Variants in DLG2 observed in about 807,000 individuals in gnomAD.
DLG2 encodes the protein discs large MAGUK scaffold protein 2.
Under a neutral mutation model 132.5 loss-of-function variants are expected in DLG2, and 45 were observed. The observed-to-expected ratio is 0.34, with a 90% CI of 0.27 to 0.44. DLG2 has a LOEUF of 0.44. Among genes scored for constraint, DLG2 ranks in the 20% least tolerant of loss-of-function variants. The probability of loss-of-function intolerance (pLI) is 1.00; values close to 1 mark genes in which losing one functional copy is unlikely to be tolerated. For synonymous variants in DLG2, 424 were observed against 419.6 expected (o/e 1.01, Z -0.13); for missense variants, 1,045 against 1,196.9 (o/e 0.87, Z 1.87).
At chr11:85,050,498 C>A (rs1349381404) in intron 6 of DLG2, among the ~76,000 whole-genome samples, 2 of 151,998 alleles carry the variant, frequency 1.3e-5, no homozygotes, top group Non-Finnish European at 2.9e-5. Flanking sequence ...AAGAAAGGAA[C>A]AAACAGGAAG....
At chr11:84,359,907 T>A (rs1356396767) in intron 7 of DLG2, among the ~76,000 whole-genome samples, 1 of 151,932 alleles carries the variant, frequency 6.6e-6, no homozygotes, top group Non-Finnish European at 1.5e-5. Flanking sequence ...TAATTTACAT[T>A]TTACAGTAAA....
chr11:84,545,025 C>T, intron 6 of DLG2: 2 of 436,448 alleles, frequency 4.6e-6, no homozygotes, highest in Non-Finnish European at 9.0e-6. Context: ...TTTGTAGCAG[C>T]TAGGTGCTGC....
At chr11:84,982,360 A>G (rs914115283) in intron 6 of DLG2, among the ~76,000 whole-genome samples, 4 of 152,126 alleles carry the variant, frequency 2.6e-5, no homozygotes, top group African/African-American at 9.7e-5. Context: ...ACATTCCTCT[A>G]AAGTCTCTTA....
intron 4 of DLG2, among the ~76,000 whole-genome samples, chr11:85,227,308 A>G (rs2075035788): frequency 6.6e-6 from 1 of 152,100 alleles, no homozygotes; most frequent in Non-Finnish European, 1.5e-5. Flanking sequence ...TCAAGAAAAA[A>G]TTTTTAATAA....
intron 7 of DLG2, among the ~76,000 whole-genome samples, chr11:84,458,356 C>T (rs1243017408): frequency 1.3e-5 from 2 of 150,844 alleles, no homozygotes; most frequent in South Asian, 2.1e-4. Context: ...CCTTCCAAAA[C>T]ATTAAAATGA....
At chr11:83,677,499 A>G (rs2077946683) in intron 18 of DLG2, among the ~76,000 whole-genome samples, 3 of 152,214 alleles carry the variant, frequency 2.0e-5, no homozygotes, top group South Asian at 2.1e-4. Context: ...TGAGACAGGA[A>G]TTGCTATACC....
intron 4 of DLG2, among the ~76,000 whole-genome samples, chr11:85,240,358 C>T (rs1394574124): frequency 6.6e-6 from 1 of 151,686 alleles, no homozygotes; most frequent in Non-Finnish European, 1.5e-5. Flanking sequence ...TTACTGTAGA[C>T]ATCTAATTGT....
chr11:85,226,410 A>T (rs949215189), intron 4 of DLG2, among the ~76,000 whole-genome samples: 1 of 152,046 alleles, frequency 6.6e-6, no homozygotes, highest in Non-Finnish European at 1.5e-5. Context: ...CCTAAGTTTC[A>T]CATTTGAATA....
chr11:84,881,892 G>T (rs887952859), intron 6 of DLG2, among the ~76,000 whole-genome samples: 4 of 152,096 alleles, frequency 2.6e-5, no homozygotes, highest in African/African-American at 9.7e-5. Flanking sequence ...CCCAAATGCT[G>T]TCCAGGATTA....
At chr11:84,052,201 G>C (rs2096401098) in intron 11 of DLG2, among the ~76,000 whole-genome samples, 1 of 151,798 alleles carries the variant, frequency 6.6e-6, no homozygotes, top group Admixed American at 6.6e-5. Flanking sequence ...ACTCAAACCT[G>C]TTAGAAACAA....
At chr11:83,508,930 G>A (rs762896066) in intron 21 of DLG2, among the ~76,000 whole-genome samples, 3 of 152,350 alleles carry the variant, frequency 2.0e-5, no homozygotes, top group East Asian at 1.9e-4. Context: ...AGCAATGTTG[G>A]CTGACGGAAG....
At chr11:85,012,650 C>T (rs1305109398) in intron 6 of DLG2, among the ~76,000 whole-genome samples, 1 of 151,808 alleles carries the variant, frequency 6.6e-6, no homozygotes, top group African/African-American at 2.4e-5. Flanking sequence ...GCTGATTAAA[C>T]AAATAGATAA....
intron 14 of DLG2, among the ~76,000 whole-genome samples, chr11:83,931,253 A>C (rs887767828): frequency 2.0e-5 from 3 of 152,218 alleles, no homozygotes; most frequent in African/African-American, 7.2e-5. Flanking sequence ...CCACTTGGAG[A>C]AATTTCTGCA....
chr11:84,622,435 T>C (rs1392741001), intron 6 of DLG2, among the ~76,000 whole-genome samples: 2 of 152,130 alleles, frequency 1.3e-5, no homozygotes, highest in Non-Finnish European at 2.9e-5. Flanking sequence ...TTCTTGGATA[T>C]GAAATCCAAA....
intron 7 of DLG2, among the ~76,000 whole-genome samples, chr11:84,388,552 C>T (rs2098780494): frequency 6.6e-6 from 1 of 151,894 alleles, no homozygotes; most frequent in South Asian, 2.1e-4. Flanking sequence ...CTAATTTATT[C>T]AAATTTCACA....
chr11:85,286,499 A>G (rs1241508513), intron 3 of DLG2, among the ~76,000 whole-genome samples: 1 of 152,138 alleles, frequency 6.6e-6, no homozygotes, highest in East Asian at 1.9e-4. Context: ...GTAATAACAA[A>G]CAAAACTAGC....
chr11:84,770,786 C>T (rs2069213518), intron 6 of DLG2, among the ~76,000 whole-genome samples: 1 of 151,576 alleles, frequency 6.6e-6, no homozygotes, highest in Non-Finnish European at 1.5e-5. Context: ...GCTGGGACTA[C>T]AGGTGCCAGC....
chr11:83,558,318 T>C (rs2096553888), intron 19 of DLG2, among the ~76,000 whole-genome samples: 1 of 152,182 alleles, frequency 6.6e-6, no homozygotes, highest in African/African-American at 2.4e-5. Flanking sequence ...TTTAAAAAAT[T>C]TTTTATTTAA....
intron 7 of DLG2, among the ~76,000 whole-genome samples, chr11:84,459,636 T>C (rs1279329390): frequency 6.6e-6 from 1 of 150,666 alleles, no homozygotes; most frequent in Non-Finnish European, 1.5e-5. Context: ...CAAGAGTTGG[T>C]AAGATTTTGT....
Sources: allele counts gnomAD v4.1 joint callset (sites outside exome capture counted in the v4.1 genomes callset), GRCh38; gene constraint gnomAD v4.1.1; transcripts MANE v1.5; gene names NCBI Gene and HGNC (gene_info 2026-07-23, HGNC 2026-07-21).